The following TRDN variants were observed in gnomAD, a reference collection of about 807,000 sequenced individuals.
The protein encoded by TRDN is triadin.
Under a neutral mutation model 149.7 loss-of-function variants are expected in TRDN, and 161 were observed. That is an observed-to-expected ratio of 1.08 (90% CI 0.95 to 1.23). The LOEUF is 1.23. Among genes scored for constraint, TRDN ranks in the 50% most tolerant of loss-of-function variants. The probability of loss-of-function intolerance (pLI) is 0.00; values close to 1 mark genes in which losing one functional copy is unlikely to be tolerated. For synonymous variants in TRDN, 294 were observed against 250.5 expected (o/e 1.17, Z -1.64); for missense variants, 896 against 823.5 (o/e 1.09, Z -1.08).
intron 1 of TRDN, among the ~76,000 whole-genome samples, chr6:123,597,341 T>C (rs1256723165): frequency 6.6e-6 from 1 of 152,114 alleles, no homozygotes; most frequent in African/African-American, 2.4e-5. Context: ...GATGCTTTCT[T>C]ATGGATGAGC....
intron 31 of TRDN, among the ~76,000 whole-genome samples, chr6:123,269,465 A>G (rs561103725): frequency 6.6e-6 from 1 of 152,140 alleles, no homozygotes; most frequent in African/African-American, 2.4e-5. Flanking sequence ...ACGTATGTTT[A>G]AAAGATTTCC....
At chr6:123,373,844 A>G (rs775063780) in intron 19 of TRDN, among the ~76,000 whole-genome samples, 9 of 152,162 alleles carry the variant, frequency 5.9e-5, no homozygotes, top group Non-Finnish European at 1.0e-4. Context: ...TATGTGCACC[A>G]TACTATATGG....
intron 19 of TRDN, among the ~76,000 whole-genome samples, chr6:123,371,662 C>T (rs1379150659): frequency 2.0e-5 from 3 of 152,262 alleles, no homozygotes; most frequent in East Asian, 3.9e-4. Context: ...ATTCATCAGT[C>T]TAGCTCTTTG....
intron 10 of TRDN, among the ~76,000 whole-genome samples, chr6:123,443,388 G>T (rs1332873634): frequency 6.6e-6 from 1 of 152,002 alleles, no homozygotes; most frequent in African/African-American, 2.4e-5. Context: ...CAATTGGAAA[G>T]ATTATTGAAA....
intron 32 of TRDN, among the ~76,000 whole-genome samples, chr6:123,265,684 T>C (rs1257738507): frequency 1.9e-5 from 2 of 107,402 alleles, no homozygotes; most frequent in African/African-American, 7.6e-5. Flanking sequence ...CCACAGTCCT[T>C]TTGGAATACA....
At chr6:123,455,406 CTGTGTGTGTGTGTG>C (rs71751722) in intron 10 of TRDN, among the ~76,000 whole-genome samples, 1 of 145,640 alleles carries the variant, frequency 6.9e-6, no homozygotes, top group African/African-American at 2.5e-5. Context: ...AAGGCAACCA[CTGTGTGTGTGTGTG>C]TGTGTGTGTG....
At chr6:123,630,811 A>T (rs979054274) in intron 1 of TRDN, among the ~76,000 whole-genome samples, 2 of 152,006 alleles carry the variant, frequency 1.3e-5, no homozygotes, top group African/African-American at 4.8e-5. Flanking sequence ...GATTTGAACA[A>T]TTTAAAAAAC....
chr6:123,572,068 A>T (rs1402318774), intron 1 of TRDN, among the ~76,000 whole-genome samples: 1 of 152,144 alleles, frequency 6.6e-6, no homozygotes, highest in Non-Finnish European at 1.5e-5. Context: ...ATCTTTTAAA[A>T]ATTGTGCATG....
chr6:123,350,093 A>T (rs1012091052), intron 21 of TRDN: 1 of 977,042 alleles, frequency 1.0e-6, no homozygotes, highest in African/African-American at 1.7e-5. Flanking sequence ...ACAGGCTCCA[A>T]CTTTATACTT....
At chr6:123,523,649 G>C (rs1267128296) in intron 5 of TRDN, among the ~76,000 whole-genome samples, 1 of 152,150 alleles carries the variant, frequency 6.6e-6, no homozygotes, top group Non-Finnish European at 1.5e-5. Context: ...GGAGAAGAGA[G>C]AAAGTAGACT....
In TRDN at chr6:123,429,631, C is replaced by A. The variant is rs190413637; in HGVS notation, c.1051+8432G>T. Among the ~76,000 whole-genome samples the A allele has an allele frequency of 1.5e-3, 228 of 152,274 alleles. 2 individuals carry two copies. Among genetic ancestry groups the A allele is most frequent in the Non-Finnish European group, 2.4e-3 (163 of 68,014 alleles). ...TATTGTCTAACAAATTGATCAAAAT[C>A]TCTCCATATTTTTAAATTGAGATTA... On this transcript the variant is annotated intron_variant, in intron 12 of 40. Coordinates refer to ENST00000334268, the MANE Select transcript of TRDN (RefSeq NM_006073.4).
chr6:123,570,196 T>G (rs756894237), intron 2 of TRDN, among the ~76,000 whole-genome samples: 1 of 152,194 alleles, frequency 6.6e-6, no homozygotes, highest in Non-Finnish European at 1.5e-5. Context: ...AAAAGATTAA[T>G]GAAATGTTTC....
intron 23 of TRDN, among the ~76,000 whole-genome samples, chr6:123,330,160 G>GAT (rs913961335): frequency 6.6e-6 from 1 of 151,910 alleles, no homozygotes; most frequent in Non-Finnish European, 1.5e-5. Context: ...TAAAAATATT[G>GAT]ATATATATAA....
At chr6:123,633,085 A>G (rs1786095548) in intron 1 of TRDN, among the ~76,000 whole-genome samples, 1 of 152,112 alleles carries the variant, frequency 6.6e-6, no homozygotes, top group Non-Finnish European at 1.5e-5. Context: ...GTTATGTAAT[A>G]GTTTATAAGT....
At chr6:123,522,130 T>G (rs1283814912) in intron 5 of TRDN, among the ~76,000 whole-genome samples, 1 of 152,150 alleles carries the variant, frequency 6.6e-6, no homozygotes, top group African/African-American at 2.4e-5. Flanking sequence ...ACATTTCTGT[T>G]AAGTAAACTT....
intron 20 of TRDN, among the ~76,000 whole-genome samples, chr6:123,360,262 T>C (rs903854892): frequency 6.6e-6 from 1 of 151,998 alleles, no homozygotes; most frequent in African/African-American, 2.4e-5. Flanking sequence ...CTTCATGATA[T>C]AGGGCAGAGT....
At chr6:123,236,462 C>T (rs1441130973) in intron 38 of TRDN, among the ~76,000 whole-genome samples, 1 of 152,044 alleles carries the variant, frequency 6.6e-6, no homozygotes, top group African/African-American at 2.4e-5. Flanking sequence ...AGATGGTATA[C>T]AATTTATTAT....
chr6:123,635,913 G>A (rs891869071), intron 1 of TRDN, among the ~76,000 whole-genome samples: 5 of 151,604 alleles, frequency 3.3e-5, no homozygotes, highest in African/African-American at 1.2e-4. Flanking sequence ...TATATATGAA[G>A]TATATATGAA....
intron 1 of TRDN, among the ~76,000 whole-genome samples, chr6:123,581,335 T>C (rs973856648): frequency 4.4e-4 from 67 of 152,224 alleles, no homozygotes; most frequent in African/African-American, 1.5e-3. Context: ...TTTTGATGAA[T>C]ACTGTGATGT....
Sources: allele counts gnomAD v4.1 joint callset (sites outside exome capture counted in the v4.1 genomes callset), GRCh38; gene constraint gnomAD v4.1.1; transcripts MANE v1.5; gene names NCBI Gene and HGNC (gene_info 2026-07-23, HGNC 2026-07-21).